Variants in WASHC5 observed in about 807,000 individuals in gnomAD.
WASHC5 encodes the protein WASH complex subunit 5.
Under a neutral mutation model 150.4 loss-of-function variants are expected in WASHC5, and 101 were observed. The observed-to-expected ratio is 0.67, with a 90% confidence interval of 0.57 to 0.79. WASHC5 has a LOEUF of 0.79. Among genes scored for constraint, WASHC5 ranks in the 30% least tolerant of loss-of-function variants. The probability of loss-of-function intolerance (pLI) is 0.00; values close to 1 mark genes in which losing one functional copy is unlikely to be tolerated. For missense variants in WASHC5, 1,195 were observed against 1,396.3 expected (o/e 0.86, Z 2.30); for synonymous variants, 467 against 491.2 (o/e 0.95, Z 0.65).
rs189178813 is a variant in WASHC5 at position 125,026,496 on chromosome 8, T to C, written c.3424-1823A>G. Among the ~76,000 whole-genome samples, 3 of 152,330 alleles carry C rather than the reference T, an allele frequency of 2.0e-5. No homozygotes were observed. In the East Asian group the frequency reaches 5.8e-4, roughly 29 times the overall value. On this transcript the variant is annotated intron_variant, in intron 28 of 28. Coordinates refer to ENST00000318410, the MANE Select transcript of WASHC5 (RefSeq NM_014846.4). Reference sequence around the variant, plus strand: ...TTTTGGTTTTATACTTAGGAATTTCTGAGAGCTGATACATATTTGCCTAAA... The same window carrying C: ...TTTTGGTTTTATACTTAGGAATTTCCGAGAGCTGATACATATTTGCCTAAA...
intron 23 of WASHC5, among the ~76,000 whole-genome samples, chr8:125,042,869 C>T (rs924794593): frequency 3.9e-5 from 6 of 152,178 alleles, no homozygotes; most frequent in Non-Finnish European, 8.8e-5. Flanking sequence ...ACAACAACAA[C>T]AACAACAACC....
intron 16 of WASHC5, among the ~76,000 whole-genome samples, chr8:125,056,061 C>CTATACTGTTGAATCAGAATA (rs1816394680): frequency 6.6e-6 from 1 of 152,128 alleles, no homozygotes; most frequent in Non-Finnish European, 1.5e-5. Flanking sequence ...CAGGTGCTAG[C>CTATACTGTTGAATCAGAATA]TATACTGTTG....
rs1261691459 is a variant in WASHC5, at chr8:125,061,078, T to C, written c.1521+4A>G. 1.3e-6 allele frequency: 2 copies of C among 1,561,262 alleles called. No individual in the cohort carries two copies. The highest frequency in any genetic ancestry group is 1.8e-6 in the Non-Finnish European group (2 of 1,132,260). ...GAACCTGCATTTAAAAAGCGTTTCC[T>C]TACCTCTTCCAAAGCTTGTATCAGT... On this transcript the variant is annotated splice_donor_region_variant and intron_variant, in intron 12 of 28. Coordinates refer to ENST00000318410, the MANE Select transcript of WASHC5 (RefSeq NM_014846.4).
At chr8:125,061,038 T>G in intron 12 of WASHC5, 44 bp downstream of exon 12, 1 of 1,063,004 alleles carries the variant, frequency 9.4e-7, no homozygotes, top group Non-Finnish European at 1.5e-6. Flanking sequence ...TCATAAGGTG[T>G]GATTCATGAT....
chr8:125,024,701 A>G (rs780398820), intron 28 of WASHC5, 28 bp from the exon 29 acceptor site: 30 of 1,496,088 alleles, frequency 2.0e-5, no homozygotes, highest in Non-Finnish European at 2.7e-5. Context: ...TAAATTATTC[A>G]TGGTGTTATA....
intron 21 of WASHC5, 164 bp downstream of exon 21, chr8:125,044,372 C>T: frequency 1.3e-6 from 1 of 788,010 alleles, no homozygotes; most frequent in Non-Finnish European, 2.1e-6. Flanking sequence ...CAAACAAATT[C>T]TAGTTTATTC....
At chr8:125,066,953 C>T (rs16900332) in intron 10 of WASHC5, among the ~76,000 whole-genome samples, 3,998 of 152,240 alleles carry the variant, frequency 0.026, 179 homozygotes, top group African/African-American at 0.092. Flanking sequence ...TTCTAGGTAC[C>T]TGGAGAACTA....
At chr8:125,081,618 C>T (rs1284171672) in intron 5 of WASHC5, 43 bp downstream of exon 5, 2 of 1,091,710 alleles carry the variant, frequency 1.8e-6, no homozygotes, top group Non-Finnish European at 2.8e-6. Context: ...CTGCATTTTA[C>T]CGACAGCAGC....
At chr8:125,085,735 G>C (rs1457213810) in intron 1 of WASHC5, among the ~76,000 whole-genome samples, 1 of 152,156 alleles carries the variant, frequency 6.6e-6, no homozygotes, top group South Asian at 2.1e-4. Context: ...CAGATAGCAG[G>C]GGTGAGCAGA....
chr8:125,043,244 T>C (rs1439545679), intron 23 of WASHC5, among the ~76,000 whole-genome samples: 2 of 152,230 alleles, frequency 1.3e-5, no homozygotes, highest in Non-Finnish European at 2.9e-5. Flanking sequence ...CAGGGGTCCC[T>C]GGGAGCTCCT....
chr8:125,030,873 G>C (rs573113976), intron 27 of WASHC5, among the ~76,000 whole-genome samples: 6 of 152,112 alleles, frequency 3.9e-5, no homozygotes, highest in Non-Finnish European at 7.4e-5. Flanking sequence ...AAGACATCGG[G>C]AACAGGTGGA....
chr8:125,061,008 G>A (rs1816577040), intron 12 of WASHC5, 74 bp downstream of exon 12: 1 of 796,988 alleles, frequency 1.3e-6, no homozygotes, highest in Non-Finnish European at 2.2e-6. Flanking sequence ...TATATTTACA[G>A]GAACAGACTG....
At chr8:125,090,891 T>G (rs559408958) in intron 1 of WASHC5, among the ~76,000 whole-genome samples, 1 of 152,136 alleles carries the variant, frequency 6.6e-6, no homozygotes, top group African/African-American at 2.4e-5. Flanking sequence ...CCAGAAAAGT[T>G]CTGAAATGAG....
At chr8:125,047,663 C>T (rs1161217274) in intron 19 of WASHC5, among the ~76,000 whole-genome samples, 2 of 152,130 alleles carry the variant, frequency 1.3e-5, no homozygotes, top group Non-Finnish European at 1.5e-5. Flanking sequence ...ATCTCGAACT[C>T]CTGATCTCAA....
At chr8:125,041,624 G>C (rs958014551) in intron 23 of WASHC5, among the ~76,000 whole-genome samples, 2 of 150,232 alleles carry the variant, frequency 1.3e-5, no homozygotes, top group African/African-American at 2.5e-5. Flanking sequence ...CCAGGCGACA[G>C]AGTGAGACTG....
chr8:125,064,597 C>G (rs1186138248), intron 10 of WASHC5, among the ~76,000 whole-genome samples: 2 of 151,570 alleles, frequency 1.3e-5, no homozygotes, highest in Non-Finnish European at 2.9e-5. Flanking sequence ...ACGGGTGTAA[C>G]TCAGGGTTGG....
rs538338741 is a variant in WASHC5 at position 125,024,385 on chromosome 8, T to C, written c.*232A>G. ...GCATTTAAGAGAGGCAGTACAAAAA[T>C]GTGTTCTGCTTTTATCTGATATAAA... is the stretch of plus-strand genomic sequence containing the variant. On this transcript the variant is annotated 3_prime_UTR_variant, in exon 29 of 29. Coordinates refer to ENST00000318410, the MANE Select transcript of WASHC5 (RefSeq NM_014846.4). The C allele has an allele frequency of 3.1e-5, 18 of 579,630 alleles. No individual in the cohort carries two copies. The Admixed American group carries it at 4.8e-4, about 16-fold the overall frequency. The allele number at this position is 579,630 out of a possible 1,614,324, so 35.9% of individuals were successfully genotyped here.
At chr8:125,079,670 T>C (rs1401468973) in intron 5 of WASHC5, among the ~76,000 whole-genome samples, 3 of 152,220 alleles carry the variant, frequency 2.0e-5, no homozygotes, top group Admixed American at 6.5e-5. Flanking sequence ...AGGGTCTGAA[T>C]TGGCATCTCA....
intron 27 of WASHC5, among the ~76,000 whole-genome samples, 173 bp downstream of exon 27, chr8:125,032,068 G>A (rs1815557014): frequency 6.6e-6 from 1 of 152,202 alleles, no homozygotes; most frequent in African/African-American, 2.4e-5. Context: ...GACTAAGGAT[G>A]GACACACCTG....
Sources: gnomAD v4.1 joint callset for allele counts (sites outside exome capture counted in the v4.1 genomes callset) on GRCh38, gnomAD v4.1.1 for gene constraint, MANE v1.5 for transcripts, NCBI Gene and HGNC (gene_info 2026-07-23, HGNC 2026-07-21) for gene names.